PIGU: variants seen among roughly 807,000 people sequenced by gnomAD.
The protein encoded by PIGU is phosphatidylinositol glycan anchor biosynthesis class U.
In PIGU, 24 loss-of-function variants were observed where a neutral mutation model predicts 49.9. The ratio of observed to expected loss-of-function variants is 0.48; its 90% CI spans 0.35 to 0.68. The LOEUF (loss-of-function observed/expected upper bound fraction) is 0.68. PIGU is among the 30% of genes least tolerant of loss of function. The pLI is 0.01. For synonymous variants in PIGU, 220 were observed against 205.7 expected, an observed-to-expected ratio of 1.07 and a Z score of -0.59; for missense variants, 490 against 532.6, an observed-to-expected ratio of 0.92 and a Z score of 0.79.
At chr20:34,598,047 T>C (rs1437830523) in intron 7 of PIGU, among the ~76,000 whole-genome samples, 1 of 152,032 alleles carries the variant, frequency 6.6e-6, no homozygotes, top group African/African-American at 2.4e-5. Context: ...ACTATATATT[T>C]TTAAAAATAT....
At chr20:34,607,886 G>C (rs1984674746) in intron 7 of PIGU, among the ~76,000 whole-genome samples, 1 of 151,976 alleles carries the variant, frequency 6.6e-6, no homozygotes. Context: ...TAAGTGCTGG[G>C]ACTATAGGTG....
In PIGU at chr20:34,606,911, C is replaced by T. The variant is rs138722851; in HGVS notation, c.627+9131G>A. Among the ~76,000 whole-genome samples the T allele has an allele frequency of 8.1e-3, 1,234 of 152,274 alleles. 19 individuals are homozygous for T. The highest frequency in any genetic ancestry group is 0.028 in the African/African-American group (1,184 of 41,546). The stretch of plus-strand genomic sequence containing the variant: ...GAGTAGCTGGGATTACAGGCACCCA[C>T]CACCAAGCCTGGCTAATTTTTGTAT... On this transcript the variant is annotated intron_variant, in intron 7 of 11. Transcript: ENST00000217446.
At chr20:34,587,280 C>T (rs986729153) in intron 8 of PIGU, among the ~76,000 whole-genome samples, 1 of 152,212 alleles carries the variant, frequency 6.6e-6, no homozygotes, top group Non-Finnish European at 1.5e-5. Context: ...AATATAAAGG[C>T]TTCCTGTGGT....
At chr20:34,645,365 A>T in intron 2 of PIGU, 31 bp from the exon 3 acceptor site, 1 of 1,549,874 alleles carries the variant, frequency 6.5e-7, no homozygotes, top group Non-Finnish European at 8.6e-7. Flanking sequence ...TGTAAAAAAA[A>T]TTAAGTTAAA....
intron 6 of PIGU, among the ~76,000 whole-genome samples, chr20:34,620,689 T>C (rs1985174771): frequency 6.6e-6 from 1 of 151,174 alleles, no homozygotes; most frequent in South Asian, 2.1e-4. Context: ...TGGGAGCCTA[T>C]AGTCCCAGCT....
At chr20:34,599,728 A>G (rs955800962) in intron 7 of PIGU, among the ~76,000 whole-genome samples, 1 of 152,218 alleles carries the variant, frequency 6.6e-6, no homozygotes, top group African/African-American at 2.4e-5. Context: ...CATGATAAAG[A>G]CTTTAAGGAT....
At chr20:34,636,878 G>GTTATT (rs1985986197) in intron 5 of PIGU, among the ~76,000 whole-genome samples, 2 of 152,024 alleles carry the variant, frequency 1.3e-5, no homozygotes, top group Non-Finnish European at 1.5e-5. Context: ...ATTACAGACA[G>GTTATT]GCTTGTTACA....
chr20:34,565,964 C>T (rs904114035), intron 11 of PIGU, among the ~76,000 whole-genome samples: 1 of 152,082 alleles, frequency 6.6e-6, no homozygotes, highest in Non-Finnish European at 1.5e-5. Flanking sequence ...TACACATACA[C>T]GCACACAGGT....
intron 1 of PIGU, among the ~76,000 whole-genome samples, chr20:34,659,287 T>C (rs1392206238): frequency 7.2e-6 from 1 of 138,446 alleles, no homozygotes; most frequent in Non-Finnish European, 1.5e-5. Context: ...AGCCACCCCG[T>C]CCGGGAGGGA....
chr20:34,628,187 C>T (rs1239047178), intron 6 of PIGU, among the ~76,000 whole-genome samples: 1 of 152,052 alleles, frequency 6.6e-6, no homozygotes, highest in East Asian at 1.9e-4. Flanking sequence ...TGTGGCAATA[C>T]ATTCCAGAAA....
chr20:34,641,939 T>A (rs1986176073), intron 4 of PIGU, among the ~76,000 whole-genome samples: 1 of 152,158 alleles, frequency 6.6e-6, no homozygotes, highest in African/African-American at 2.4e-5. Flanking sequence ...ACATTCCAAA[T>A]TTTACTTCAG....
intron 7 of PIGU, among the ~76,000 whole-genome samples, chr20:34,589,122 C>T (rs1983836653): frequency 7.2e-6 from 1 of 139,404 alleles, no homozygotes; most frequent in African/African-American, 2.5e-5. Context: ...CACACACACA[C>T]ACACACACAC....
intron 1 of PIGU, among the ~76,000 whole-genome samples, chr20:34,674,664 T>A (rs1002288855): frequency 6.6e-6 from 1 of 152,056 alleles, no homozygotes; most frequent in African/African-American, 2.4e-5. Flanking sequence ...TGGTAGCTTA[T>A]GCCTGTAATC....
intron 6 of PIGU, among the ~76,000 whole-genome samples, chr20:34,626,088 T>A (rs903665748): frequency 1.3e-5 from 2 of 151,830 alleles, no homozygotes; most frequent in African/African-American, 4.8e-5. Context: ...CATATTTTAC[T>A]TAACCACTCC....
Position 34,616,175 on chromosome 20 carries a change from C to A in PIGU, c.530-36G>T. On this transcript the variant is annotated intron_variant, in intron 6 of 11. Coordinates refer to ENST00000217446, the MANE Select transcript of PIGU (RefSeq NM_080476.5). ...AAAGAAATGTATGGAATAATCCAGC[C>A]TCATCAATCATGATTAGACTCAGCA... 1.9e-6 allele frequency: 3 copies of A among 1,604,684 alleles called. No homozygotes were observed. In the South Asian group the frequency reaches 3.3e-5, roughly 18 times the overall value.
At chr20:34,621,925 C>T (rs1347040850) in intron 6 of PIGU, among the ~76,000 whole-genome samples, 1 of 152,104 alleles carries the variant, frequency 6.6e-6, no homozygotes, top group East Asian at 1.9e-4. Context: ...GAAGCTGACA[C>T]CTGAGTTTTG....
chr20:34,596,612 C>T (rs1207575403), intron 7 of PIGU, among the ~76,000 whole-genome samples: 2 of 151,974 alleles, frequency 1.3e-5, no homozygotes, highest in African/African-American at 4.8e-5. Flanking sequence ...CCATCTGTTA[C>T]ATGGTTGGTT....
chr20:34,613,805 T>C (rs774115540), intron 7 of PIGU, among the ~76,000 whole-genome samples: 4 of 152,242 alleles, frequency 2.6e-5, no homozygotes, highest in Admixed American at 1.3e-4. Context: ...TCTACTGAAC[T>C]GGCAATCATA....
intron 10 of PIGU, among the ~76,000 whole-genome samples, chr20:34,577,107 T>C (rs965043157): frequency 5.9e-5 from 9 of 152,058 alleles, no homozygotes; most frequent in African/African-American, 2.2e-4. Context: ...TACTTTTCTT[T>C]ATCTTTATCA....
Sources: allele counts gnomAD v4.1 joint callset (sites outside exome capture counted in the v4.1 genomes callset), GRCh38; gene constraint gnomAD v4.1.1; transcripts MANE v1.5; gene names NCBI Gene and HGNC (gene_info 2026-07-23, HGNC 2026-07-21).